AHCYL1: variants seen among roughly 807,000 people sequenced by gnomAD.
AHCYL1 encodes adenosylhomocysteinase like 1.
Under a neutral mutation model 79.3 loss-of-function variants are expected in AHCYL1, and 20 were observed. The ratio of observed to expected loss-of-function variants is 0.25; its 90% CI spans 0.18 to 0.37. The LOEUF (loss-of-function observed/expected upper bound fraction) is 0.37, where lower values mean the gene tolerates loss of function less well. Ranked by LOEUF, AHCYL1 falls within the 10% of genes least tolerant of loss-of-function variation. The pLI, the probability that AHCYL1 is intolerant of heterozygous loss-of-function variation, is 1.00. For synonymous variants in AHCYL1, 223 were observed against 242.2 expected (o/e 0.92, Z 0.74); for missense variants, 330 against 673.6 (o/e 0.49, Z 5.65).
chr1:110,012,415 G>T lies in AHCYL1; in HGVS notation c.430G>T (p.Ala144Ser). The change falls in exon 4 of 17, where the codon GCT becomes TCT. Residue 144 changes from alanine (A) to serine (S), a missense_variant. Ala to Ser is a moderately conservative substitution (Grantham distance 99). Transcript: ENST00000369799. ...RKRAQGEKPL[A>S]GAKIVGCTHI... ...ACGTGCTCAGGGGGAGAAGCCCTTGGCTGGTGCTAAAATAGTGGGCTGTAC... is the reference window on the plus strand; with the variant it reads ...ACGTGCTCAGGGGGAGAAGCCCTTGTCTGGTGCTAAAATAGTGGGCTGTAC... 2 of 1,613,904 alleles carry T rather than the reference G, an allele frequency of 1.2e-6. No homozygotes were observed. The highest frequency in any genetic ancestry group is 1.7e-6 in the Non-Finnish European group (2 of 1,179,972).
At chr1:110,018,885 A>C in intron 13 of AHCYL1, 166 bp from the exon 14 acceptor site, 1 of 754,436 alleles carries the variant, frequency 1.3e-6, no homozygotes. Context: ...ACTCAGATGG[A>C]TTTGCAGAAA....
intron 1 of AHCYL1, among the ~76,000 whole-genome samples, chr1:109,992,928 C>G (rs866765656): frequency 6.6e-6 from 1 of 152,166 alleles, no homozygotes. Flanking sequence ...CTTTTCATTA[C>G]AAGTCCACAA....
intron 1 of AHCYL1, among the ~76,000 whole-genome samples, chr1:109,992,197 A>G (rs1649796834): frequency 1.3e-5 from 2 of 152,104 alleles, no homozygotes; most frequent in Non-Finnish European, 2.9e-5. Context: ...TCACAAGGTC[A>G]GGAGATCGAG....
In AHCYL1 at chr1:110,007,980, T is replaced by C. The variant is rs146356936; in HGVS notation, c.121-1054T>C. 4.0e-5 allele frequency among the ~76,000 whole-genome samples: 6 copies of C among 151,876 alleles called. 1 individual carries two copies. The East Asian group carries it at 1.2e-3, about 29-fold the overall frequency. ...GCCAGTTTTATTCTTCAAAGAATTA[T>C]CTAGTTCTGGCTTATTTCATTTAAG... On this transcript the variant is annotated intron_variant, in intron 1 of 16. Transcript: ENST00000369799.
chr1:110,019,773 T>G, intron 15 of AHCYL1, 147 bp downstream of exon 15: 2 of 679,346 alleles, frequency 2.9e-6, no homozygotes, highest in East Asian at 2.7e-5. Flanking sequence ...TTCTAATCTC[T>G]ATGATCCTCA....
chr1:109,999,253 C>T (rs1650179770), intron 1 of AHCYL1, among the ~76,000 whole-genome samples: 1 of 152,076 alleles, frequency 6.6e-6, no homozygotes, highest in South Asian at 2.1e-4. Flanking sequence ...TATCCATCAC[C>T]TCATAGTTAC....
intron 1 of AHCYL1, among the ~76,000 whole-genome samples, chr1:110,006,272 T>C (rs1024935332): frequency 6.6e-6 from 1 of 152,244 alleles, no homozygotes; most frequent in Admixed American, 6.5e-5. Flanking sequence ...TACTTAAAGA[T>C]ACTTTCTGCA....
At position 110,021,144 on chromosome 1, in the gene AHCYL1, G is replaced by A. The variant is rs186708256; in HGVS notation, c.1586+293G>A. On this transcript the variant is annotated intron_variant, in intron 16 of 16. Transcript: ENST00000369799. ...TCATCCCAGTTACTCAGGTGGCTGAGGCACGAGAATCACTTGAACCTGGGA... is the reference window on the plus strand; with the variant it reads ...TCATCCCAGTTACTCAGGTGGCTGAAGCACGAGAATCACTTGAACCTGGGA... Among the ~76,000 whole-genome samples, 224 of 152,300 alleles carry A rather than the reference G, an allele frequency of 1.5e-3. 3 individuals carry two copies. The highest frequency in any genetic ancestry group is 6.8e-3 in the Middle Eastern group (2 of 294).
chr1:109,995,324 C>G (rs961794938), intron 1 of AHCYL1, among the ~76,000 whole-genome samples: 1 of 152,122 alleles, frequency 6.6e-6, no homozygotes, highest in African/African-American at 2.4e-5. Flanking sequence ...TCTTACTCCG[C>G]AGCGAGGGGA....
intron 5 of AHCYL1, among the ~76,000 whole-genome samples, chr1:110,013,203 C>T (rs1299250464): frequency 6.6e-6 from 1 of 151,940 alleles, no homozygotes; most frequent in East Asian, 1.9e-4. Context: ...TTAAAAATGG[C>T]CTTTGAAAAT....
intron 11 of AHCYL1, 29 bp downstream of exon 11, chr1:110,018,045 T>C (rs544574135): frequency 1.2e-6 from 2 of 1,612,120 alleles, no homozygotes; most frequent in South Asian, 1.1e-5. Flanking sequence ...GAAGTGTTTA[T>C]TCAGAGGCTA....
intron 5 of AHCYL1, 32 bp downstream of exon 5, chr1:110,013,031 C>T (rs1651150621): frequency 6.5e-7 from 1 of 1,542,348 alleles, no homozygotes; most frequent in South Asian, 1.2e-5. Flanking sequence ...CAACTTTGCC[C>T]CAAAATAGTT....
chr1:109,996,402 G>A (rs1650031616), intron 1 of AHCYL1, among the ~76,000 whole-genome samples: 2 of 152,184 alleles, frequency 1.3e-5, no homozygotes, highest in African/African-American at 4.8e-5. Context: ...GCGTCCCAGG[G>A]CCTGTGCTAG....
rs1651812545 is a variant in AHCYL1 at position 110,021,721 on chromosome 1, C to G, written c.*41C>G. On this transcript the variant is annotated 3_prime_UTR_variant, in exon 17 of 17. Transcript: ENST00000369799. Reference sequence around the variant, plus strand: ...AGGACCAGTCCACCTGAACCACACACTCTAAAGAAATATTTTTTAAGATAA... The same window carrying G: ...AGGACCAGTCCACCTGAACCACACAGTCTAAAGAAATATTTTTTAAGATAA... The G allele has an allele frequency of 1.3e-6, 2 of 1,584,692 alleles. No individual in the cohort carries two copies. Among genetic ancestry groups the G allele is most frequent in the Admixed American group, 3.5e-5 (2 of 57,592 alleles).
At chr1:110,012,747 A>G (rs186704904) in intron 4 of AHCYL1, 150 bp from the exon 5 acceptor site, 25 of 576,798 alleles carry the variant, frequency 4.3e-5, no homozygotes, top group African/African-American at 4.2e-4. Flanking sequence ...ATACCAGTGC[A>G]CCACCTCGCT....
At chr1:110,012,593 C>A in intron 4 of AHCYL1, 131 bp downstream of exon 4, 2 of 746,386 alleles carry the variant, frequency 2.7e-6, no homozygotes, top group Non-Finnish European at 3.9e-6. Context: ...CCCTGTTACA[C>A]AATAATGGGG....
chr1:110,018,557 C>A lies in AHCYL1; in HGVS notation c.1224C>A (p.Ser408Arg). The change falls in exon 13 of 17, where the codon AGC (serine) becomes AGA (arginine). Residue 408 changes from serine to arginine, a missense_variant. Transcript: ENST00000369799. ...GHSNTEIDVT[S>R]LRTPELTWER... is the part of the protein sequence containing the mutation. ...CTGTGCTTTCTTCCTTTCAGACCAG[C>A]CTCCGCACTCCGGAGCTGACGTGGG... 6.2e-7 allele frequency: 1 copy of A among 1,614,112 alleles called. No homozygotes were observed. The highest frequency in any genetic ancestry group is 8.5e-7 in the Non-Finnish European group (1 of 1,180,014).
chr1:110,020,682 G>A, intron 15 of AHCYL1, 49 bp from the exon 16 acceptor site: 1 of 1,530,758 alleles, frequency 6.5e-7, no homozygotes. Context: ...TATAACTTGA[G>A]AGACATTTTG....
Position 110,014,851 on chromosome 1 carries a change from C to T in AHCYL1, c.669C>T (p.Ala223=). ...DRCVNMDGWQ[A]NMILDDGGDL... is the part of the protein sequence containing the mutation. Reference sequence around the variant, plus strand: ...GTGTGAACATGGATGGGTGGCAGGCCAACATGGTAATAATGCATATACATC... The same window carrying T: ...GTGTGAACATGGATGGGTGGCAGGCTAACATGGTAATAATGCATATACATC... The change falls in exon 6 of 17, where the codon GCC becomes GCT. Residue 223 remains alanine (A), a synonymous_variant. Coordinates refer to ENST00000369799, the MANE Select transcript of AHCYL1 (RefSeq NM_006621.7). 2 of 1,613,750 alleles carry T rather than the reference C, an allele frequency of 1.2e-6. No individual in the cohort carries two copies. Among genetic ancestry groups the T allele is most frequent in the South Asian group, 1.1e-5 (1 of 91,070 alleles).
Sources: gnomAD v4.1 joint callset for allele counts (sites outside exome capture counted in the v4.1 genomes callset) on GRCh38, gnomAD v4.1.1 for gene constraint, MANE v1.5 for transcripts, NCBI Gene and HGNC (gene_info 2026-07-23, HGNC 2026-07-21) for gene names.